Variants in TUT7 observed in about 807,000 individuals in gnomAD.
TUT7 encodes the protein terminal uridylyltransferase 7.
TUT7 carries 33 observed loss-of-function variants against 165.9 expected under a neutral mutation model. The ratio of observed to expected loss-of-function variants is 0.20; its 90% CI spans 0.15 to 0.27. The LOEUF (loss-of-function observed/expected upper bound fraction) is 0.27, where lower values mean the gene tolerates loss of function less well. Ranked by LOEUF, TUT7 falls within the 10% of genes least tolerant of loss-of-function variation. The pLI is 1.00. For missense variants in TUT7, 1,338 were observed against 1,762.3 expected, an observed-to-expected ratio of 0.76 and a Z score of 4.31; for synonymous variants, 552 against 608.1, an observed-to-expected ratio of 0.91 and a Z score of 1.36.
chr9:86,300,883 A>G (rs1826826438), intron 26 of TUT7, among the ~76,000 whole-genome samples: 1 of 152,214 alleles, frequency 6.6e-6, no homozygotes, highest in Non-Finnish European at 1.5e-5. Context: ...TGCACAGAGC[A>G]TGGTGTCCTG....
At position 86,341,058 on chromosome 9, in the gene TUT7, G is replaced by A; in HGVS notation, c.1087-5C>T. 6.2e-7 allele frequency: 1 copy of A among 1,610,068 alleles called. No homozygotes were observed. Among genetic ancestry groups the A allele is most frequent in the Non-Finnish European group, 8.5e-7 (1 of 1,177,554 alleles). On this transcript the variant is annotated splice_polypyrimidine_tract_variant and splice_region_variant and intron_variant, in intron 6 of 26. Coordinates refer to ENST00000375963, the MANE Select transcript of TUT7 (RefSeq NM_024617.4). ...GAGGACATCTGGCTGAGACATCTAG[G>A]AAATAAATCAATGAATACATGAAAT...
At position 86,288,728 on chromosome 9, in the gene TUT7, T is replaced by G; in HGVS notation, c.4437A>C (p.Lys1479Asn). Residue 1479 changes from lysine to asparagine, a missense_variant, in exon 27 of 27, where the codon AAA (lysine) becomes AAC (asparagine). This residue lies in a region of TUT7 where 167 missense variants were observed against 204.9 expected (regional missense o/e 0.82). Transcript: ENST00000375963. ...FKGSSGSLSSKYMTQGKASAK... is the reference protein window; with the variant it reads ...FKGSSGSLSSNYMTQGKASAK... ...CTGAGGCTTTTCCCTGAGTCATATATTTACTGGAAAGGCTACCTAGAGGAG... is the reference window on the plus strand; with the variant it reads ...CTGAGGCTTTTCCCTGAGTCATATAGTTACTGGAAAGGCTACCTAGAGGAG... The G allele has an allele frequency of 6.2e-7, 1 of 1,613,744 alleles. No homozygotes were observed. The highest frequency in any genetic ancestry group is 8.5e-7 in the Non-Finnish European group (1 of 1,179,778).
intron 15 of TUT7, 52 bp downstream of exon 15, chr9:86,319,532 T>G (rs1290512308): frequency 7.7e-7 from 1 of 1,291,008 alleles, no homozygotes; most frequent in Non-Finnish European, 1.1e-6. Context: ...ATGAACTGAT[T>G]TGGAAAAAAG....
At chr9:86,338,680 T>C (rs1328915825) in intron 9 of TUT7, 143 bp downstream of exon 9, 1 of 877,240 alleles carries the variant, frequency 1.1e-6, no homozygotes, top group Non-Finnish European at 1.6e-6. Flanking sequence ...CGTCTGTACG[T>C]TTCTGTTGCA....
At chr9:86,324,912 G>T (rs367682669) in intron 12 of TUT7, among the ~76,000 whole-genome samples, 3 of 152,302 alleles carry the variant, frequency 2.0e-5, no homozygotes, top group African/African-American at 4.8e-5. Context: ...AATGGAGAAT[G>T]ACATTTTTGA....
chr9:86,305,378 G>C, intron 22 of TUT7, 139 bp from the exon 23 acceptor site: 1 of 604,298 alleles, frequency 1.7e-6, no homozygotes, highest in Non-Finnish European at 2.8e-6. Context: ...TCACATGATA[G>C]AAAAGAAGTG....
At chr9:86,347,181 A>T (rs1346605869) in intron 2 of TUT7, among the ~76,000 whole-genome samples, 1 of 152,192 alleles carries the variant, frequency 6.6e-6, no homozygotes, top group Non-Finnish European at 1.5e-5. Context: ...CACTGAGCAT[A>T]TTTCAAAGGA....
intron 10 of TUT7, among the ~76,000 whole-genome samples, chr9:86,329,348 A>C (rs1455871133): frequency 6.6e-6 from 1 of 151,936 alleles, no homozygotes; most frequent in Non-Finnish European, 1.5e-5. Flanking sequence ...ACATGGAGAA[A>C]TCCCGTCTCT....
At chr9:86,319,972 A>G (rs940400088) in intron 14 of TUT7, among the ~76,000 whole-genome samples, 11 of 152,156 alleles carry the variant, frequency 7.2e-5, no homozygotes, top group Admixed American at 5.2e-4. Context: ...AGCTGGGACT[A>G]TAGGCATGTA....
rs1482537849 is a variant in TUT7, at chr9:86,325,434, A to G, written c.1689T>C (p.Ala563=). The change falls in exon 12 of 27, where the codon GCT becomes GCC. Residue 563 remains alanine (A), a synonymous_variant. Transcript: ENST00000375963. Reference sequence around the variant, plus strand: ...CTAAATCAGCCAAATTAAATTCTAAAGCATAGAACCGCAGCAATTCCACCC... The same window carrying G: ...CTAAATCAGCCAAATTAAATTCTAAGGCATAGAACCGCAGCAATTCCACCC... ...QLWVELLRFY[A]LEFNLADLVI... is the part of the protein sequence containing the mutation. 4.3e-6 allele frequency: 7 copies of G among 1,614,166 alleles called. No individual in the cohort carries two copies. The highest frequency in any genetic ancestry group is 5.9e-6 in the Non-Finnish European group (7 of 1,180,014).
chr9:86,306,772 C>T (rs1324576031), intron 22 of TUT7, among the ~76,000 whole-genome samples: 2 of 152,074 alleles, frequency 1.3e-5, no homozygotes, highest in African/African-American at 4.8e-5. Flanking sequence ...ACACTCCAGC[C>T]TGGGCGAGAC....
chr9:86,294,642 G>A (rs1282853397), intron 26 of TUT7, among the ~76,000 whole-genome samples: 2 of 151,316 alleles, frequency 1.3e-5, no homozygotes, highest in African/African-American at 2.4e-5. Flanking sequence ...AAATAATGTC[G>A]ACCCAAAGAT....
chr9:86,335,852 G>C (rs1830722010), intron 10 of TUT7, among the ~76,000 whole-genome samples: 1 of 152,140 alleles, frequency 6.6e-6, no homozygotes, highest in Non-Finnish European at 1.5e-5. Context: ...TCCAGTGTTT[G>C]ATCACTGCAT....
intron 5 of TUT7, among the ~76,000 whole-genome samples, chr9:86,344,082 G>A (rs1482796235): frequency 6.6e-6 from 1 of 152,094 alleles, no homozygotes; most frequent in East Asian, 1.9e-4. Flanking sequence ...AAGTATATGC[G>A]TTACAAATAC....
intron 10 of TUT7, among the ~76,000 whole-genome samples, chr9:86,336,123 T>C (rs770568023): frequency 1.1e-4 from 17 of 152,156 alleles, no homozygotes; most frequent in African/African-American, 2.7e-4. Flanking sequence ...TTCAGTAAGA[T>C]GGTAGTGAGC....
At position 86,288,500 on chromosome 9, in the gene TUT7, C is replaced by G. The variant is rs575830748; in HGVS notation, c.*177G>C. On this transcript the variant is annotated 3_prime_UTR_variant, in exon 27 of 27. Coordinates refer to ENST00000375963, the MANE Select transcript of TUT7 (RefSeq NM_024617.4). ...CTATGGGGATGTGTGGTAGATAAGA[C>G]TATATTAAAAATTTTTCCTCATTAA... 4.7e-5 allele frequency: 22 copies of G among 466,362 alleles called. No individual in the cohort carries two copies. The South Asian group carries it at 7.1e-4, about 15-fold the overall frequency. 28.9% of individuals were successfully genotyped at this position (466,362 alleles called of 1,614,324 possible). A position where few individuals can be genotyped will look rare whatever the true frequency, so the allele number is the denominator to read the frequency against.
chr9:86,318,229 T>C (rs533026248), intron 16 of TUT7, among the ~76,000 whole-genome samples: 1 of 152,340 alleles, frequency 6.6e-6, no homozygotes, highest in South Asian at 2.1e-4. Context: ...ATTTTATAAA[T>C]GCCTTCAGAT....
Position 86,316,194 on chromosome 9 carries a change from C to T in TUT7, c.3274+1025G>A, listed in dbSNP as rs186065697. Among the ~76,000 whole-genome samples, 97 of 152,244 alleles carry T rather than the reference C, an allele frequency of 6.4e-4. 1 individual carries two copies. The highest frequency in any genetic ancestry group is 5.0e-3 in the Admixed American group (77 of 15,286). On this transcript the variant is annotated intron_variant, in intron 17 of 26. Transcript: ENST00000375963. ...ATGGTATCCATAGCTGCCATGACAACAAAAGGATACGTTAACAGCATTTCA... is the reference window on the plus strand; with the variant it reads ...ATGGTATCCATAGCTGCCATGACAATAAAAGGATACGTTAACAGCATTTCA...
At chr9:86,294,274 C>CAA (rs11338696) in intron 26 of TUT7, among the ~76,000 whole-genome samples, 143 of 96,704 alleles carry the variant, frequency 1.5e-3, no homozygotes, top group Non-Finnish European at 2.2e-3. Context: ...TGCCATGAGG[C>CAA]AAAAAAAAAA....
Sources: allele counts gnomAD v4.1 joint callset (sites outside exome capture counted in the v4.1 genomes callset), GRCh38; gene constraint gnomAD v4.1.1; regional missense constraint gnomAD v4.1.1; transcripts MANE v1.5; gene names NCBI Gene and HGNC (gene_info 2026-07-23, HGNC 2026-07-21).